The following THAP3 variants were observed in gnomAD, a reference collection of about 807,000 sequenced individuals.
The protein encoded by THAP3 is THAP domain containing 3.
THAP3 carries 12 observed loss-of-function variants against 17.7 expected under a neutral mutation model. The ratio of observed to expected loss-of-function variants is 0.68; its 90% CI spans 0.43 to 1.10. The LOEUF (loss-of-function observed/expected upper bound fraction) is 1.10. Ranked by LOEUF, THAP3 falls within the 50% of genes least tolerant of loss-of-function variation. The pLI, the probability that THAP3 is intolerant of heterozygous loss-of-function variation, is 0.00. For missense variants in THAP3, 289 were observed against 318.0 expected (o/e 0.91, Z 0.69); for synonymous variants, 133 against 126.9 (o/e 1.05, Z -0.32).
downstream of THAP3, chr1:6,635,366 G>A (rs535300535): frequency 3.6e-4 from 112 of 309,156 alleles, no homozygotes; most frequent in African/African-American, 2.2e-3. Context: ...GGCGGGCTGC[G>A]GTCAGCACGT....
chr1:6,625,521 G>C (rs1447185229), intron 2 of THAP3, among the ~76,000 whole-genome samples: 1 of 151,994 alleles, frequency 6.6e-6, no homozygotes, highest in Non-Finnish European at 1.5e-5. Context: ...GGGCCGGGAC[G>C]TGCAGGGAGC....
intron 2 of THAP3, among the ~76,000 whole-genome samples, chr1:6,626,525 A>G (rs921986548): frequency 5.9e-5 from 9 of 152,056 alleles, no homozygotes; most frequent in Non-Finnish European, 1.0e-4. Flanking sequence ...GGGTGGCCCC[A>G]TTTTTTGGAT....
At chr1:6,628,835 C>A in intron 3 of THAP3, 144 bp downstream of exon 3, 1 of 793,310 alleles carries the variant, frequency 1.3e-6, no homozygotes, top group Non-Finnish European at 2.0e-6. Flanking sequence ...CCTCTGGGGT[C>A]CACAGCCCTG....
rs1171050008 is a variant in THAP3, at chr1:6,625,071, C to T, written c.-69-79C>T. The T allele has an allele frequency of 6.9e-6, 6 of 870,630 alleles. No homozygotes were observed. In the East Asian group the frequency reaches 1.9e-4, roughly 27 times the overall value. The allele number at this position is 870,630 out of a possible 1,614,324, so 53.9% of individuals were successfully genotyped here. On this transcript the variant is annotated intron_variant, in intron 1 of 5. Transcript: ENST00000054650. ...TCCGACCCTGGGGAGACGCGGGTGG[C>T]TGGGATGGCAGGATGAGCGCGCCCT...
chr1:6,626,955 T>C (rs1641484188), intron 2 of THAP3, among the ~76,000 whole-genome samples: 1 of 152,216 alleles, frequency 6.6e-6, no homozygotes, highest in African/African-American at 2.4e-5. Flanking sequence ...ATGGAGTTGC[T>C]GCGCCTTCTC....
chr1:6,630,230 T>C (rs1641571206), intron 3 of THAP3, 58 bp from the exon 4 acceptor site: 3 of 1,501,248 alleles, frequency 2.0e-6, no homozygotes, highest in Non-Finnish European at 2.8e-6. Flanking sequence ...GCCCGAGGCC[T>C]GCCCCGAGCT....
At chr1:6,632,281 C>T in intron 4 of THAP3, 110 bp from the exon 5 acceptor site, 15 of 1,478,876 alleles carry the variant, frequency 1.0e-5, no homozygotes, top group African/African-American at 1.4e-5. Context: ...GGGCACAGAC[C>T]CTGGAGCTGG....
rs1641643334 is a variant in THAP3 at position 6,632,445 on chromosome 1, G to T, written c.388G>T (p.Ala130Ser). The T allele has an allele frequency of 6.2e-7, 1 of 1,614,038 alleles. No homozygotes were observed. The highest frequency in any genetic ancestry group is 8.5e-7 in the Non-Finnish European group (1 of 1,180,026). ...CAGTCCTGGGAGAAACATGGACACTGCACTTGAAGAGCTTCAGTTGCCCCC... is the reference window on the plus strand; with the variant it reads ...CAGTCCTGGGAGAAACATGGACACTTCACTTGAAGAGCTTCAGTTGCCCCC... ...EDSPGRNMDT[A>S]LEELQLPPNA... The change falls in exon 5 of 6, where the codon GCA becomes TCA. Residue 130 changes from alanine to serine, a missense_variant. Physicochemically the swap from Ala to Ser is moderately conservative, Grantham distance 99 (BLOSUM62 1). Coordinates refer to ENST00000054650, the MANE Select transcript of THAP3 (RefSeq NM_001195753.2).
In THAP3 at chr1:6,633,050, C is replaced by T. The variant is rs1464323507; in HGVS notation, c.693C>T (p.Ala231=). 5 of 1,606,642 alleles carry T rather than the reference C, an allele frequency of 3.1e-6. No individual in the cohort carries two copies. Among genetic ancestry groups the T allele is most frequent in the African/African-American group, 1.3e-5 (1 of 74,750 alleles). ...RACKGHQGLQ[A]RLGPEQQS is the part of the protein sequence containing the mutation. ...GCAAAGGGCACCAGGGACTCCAGGC[C>T]AGACTTGGGCCAGAGCAGCAGAGCT... Residue 231 remains alanine, a synonymous_variant, in exon 6 of 6, where the codon GCC becomes GCT. Transcript: ENST00000054650.
intron 4 of THAP3, 152 bp downstream of exon 4, chr1:6,630,505 A>G: frequency 1.4e-6 from 1 of 694,052 alleles, no homozygotes; most frequent in Non-Finnish European, 2.5e-6. Context: ...GGAAGGCCCA[A>G]GCCTCTCAGC....
chr1:6,633,078 G>A lies in THAP3; in HGVS notation c.*1G>A, dbSNP rs1457797130. The A allele has an allele frequency of 5.6e-6, 9 of 1,597,100 alleles. No homozygotes were observed. Among genetic ancestry groups the A allele is most frequent in the Non-Finnish European group, 7.7e-6 (9 of 1,172,978 alleles). ...ACTTGGGCCAGAGCAGCAGAGCTGA[G>A]CCCCACAGGCTCCGGACGCAGAGGT... On this transcript the variant is annotated 3_prime_UTR_variant, in exon 6 of 6. Coordinates refer to ENST00000054650, the MANE Select transcript of THAP3 (RefSeq NM_001195753.2).
chr1:6,626,939 T>G (rs1641483898), intron 2 of THAP3, among the ~76,000 whole-genome samples: 1 of 152,242 alleles, frequency 6.6e-6, no homozygotes, highest in Non-Finnish European at 1.5e-5. Flanking sequence ...AGGTATGTAC[T>G]TGGGGATGGA....
At position 6,630,269 on chromosome 1, in the gene THAP3, CTGTG is replaced by C. The variant is rs769456759; in HGVS notation, c.268-13_268-10del. 7 of 1,613,478 alleles carry C rather than the reference CTGTG, an allele frequency of 4.3e-6. No homozygotes were observed. The Admixed American group carries it at 1.2e-4, about 27-fold the overall frequency. On this transcript the variant is annotated splice_polypyrimidine_tract_variant and intron_variant, in intron 3 of 5. Coordinates refer to ENST00000054650, the MANE Select transcript of THAP3 (RefSeq NM_001195753.2). The stretch of plus-strand genomic sequence containing the variant: ...AGGGTTCTTGGGGTCTGCATCCACT[CTGTG>C]TGTGTCTCTTGTAGCAGGTGAGGGA...
At chr1:6,635,545 T>A, downstream of THAP3, 2 of 1,038,984 alleles carry the variant, frequency 1.9e-6, no homozygotes, top group East Asian at 5.2e-5. Flanking sequence ...ACATAATTGA[T>A]AATGGTACCA....
rs1641668997 is a variant in THAP3 at position 6,633,001 on chromosome 1, G to A, written c.644G>A (p.Arg215Lys). The A allele has an allele frequency of 1.2e-6, 2 of 1,612,660 alleles. No homozygotes were observed. The highest frequency in any genetic ancestry group is 2.2e-5 in the East Asian group (1 of 44,898). Residue 215 changes from arginine (R) to lysine (K), a missense_variant, in exon 6 of 6, where the codon AGG becomes AAG. Physicochemically the swap from Arg to Lys is conservative, Grantham distance 26. Coordinates refer to ENST00000054650, the MANE Select transcript of THAP3 (RefSeq NM_001195753.2). Reference sequence around the variant, plus strand: ...CAGGCCCAGAGGCTGGTGATGCGAAGGATGTCCAGCCGCCTCCGTGCTTGC... The same window carrying A: ...CAGGCCCAGAGGCTGGTGATGCGAAAGATGTCCAGCCGCCTCCGTGCTTGC... ...RLQAQRLVMR[R>K]MSSRLRACKG...
chr1:6,625,479 A>G (rs1641442900), intron 2 of THAP3, among the ~76,000 whole-genome samples, 187 bp downstream of exon 2: 1 of 151,408 alleles, frequency 6.6e-6, no homozygotes, highest in Admixed American at 6.6e-5. Flanking sequence ...GGAGTGGCGG[A>G]CGGAGGGGCA....
At chr1:6,631,095 C>T (rs940359188) in intron 4 of THAP3, among the ~76,000 whole-genome samples, 3 of 151,976 alleles carry the variant, frequency 2.0e-5, no homozygotes, top group Non-Finnish European at 2.9e-5. Context: ...GCCTCAACCT[C>T]CCAGGATCAA....
chr1:6,634,152 CG>C (rs1641706454), downstream of THAP3: 2 of 1,405,070 alleles, frequency 1.4e-6, no homozygotes, highest in Non-Finnish European at 2.0e-6. Flanking sequence ...ACACAATACA[CG>C]GAAGAGCGCC....
chr1:6,625,050 A>G, intron 1 of THAP3, 96 bp downstream of exon 1: 1 of 725,118 alleles, frequency 1.4e-6, no homozygotes, highest in Admixed American at 2.8e-5. Context: ...GTCCCGTCCG[A>G]CCCTGGGGAG....
Sources: allele counts gnomAD v4.1 joint callset (sites outside exome capture counted in the v4.1 genomes callset), GRCh38; gene constraint gnomAD v4.1.1; transcripts MANE v1.5; gene names NCBI Gene and HGNC (gene_info 2026-07-23, HGNC 2026-07-21).